RAB13: variants seen among roughly 807,000 people sequenced by gnomAD.
RAB13 encodes the protein RAB13, member RAS oncogene family, also known as ras-related protein Rab-13.
RAB13 carries 15 observed loss-of-function variants against 29.3 expected under a neutral mutation model. The observed-to-expected ratio is 0.51, with a 90% CI of 0.34 to 0.79. RAB13 has a LOEUF of 0.79. Ranked by LOEUF, RAB13 falls within the 30% of genes least tolerant of loss-of-function variation. The pLI is 0.01. For missense variants in RAB13, 186 were observed against 255.5 expected (o/e 0.73, Z 1.85); for synonymous variants, 82 against 93.8 (o/e 0.87, Z 0.73).
chr1:153,987,968 TTTTA>T (rs1367346729), upstream of RAB13, among the ~76,000 whole-genome samples: 1 of 151,500 alleles, frequency 6.6e-6, no homozygotes, highest in Non-Finnish European at 1.5e-5. Flanking sequence ...CAAAAAAATT[TTTTA>T]TTTATTTTTT....
At chr1:153,989,761 G>T (rs1571133366), upstream of RAB13, among the ~76,000 whole-genome samples, 1 of 151,532 alleles carries the variant, frequency 6.6e-6, no homozygotes, top group South Asian at 2.1e-4. Context: ...GCATGGTGCC[G>T]CATGCCTGTA....
upstream of RAB13, chr1:153,986,435 A>G: frequency 5.6e-6 from 3 of 534,644 alleles, no homozygotes; most frequent in Non-Finnish European, 6.5e-6. Flanking sequence ...TGAGCAGGCC[A>G]AGGCTGCCAG....
In RAB13 at chr1:153,983,306, G is replaced by T; in HGVS notation, c.247-10C>A. 1 of 1,611,854 alleles carries T rather than the reference G, an allele frequency of 6.2e-7. No homozygotes were observed. Among genetic ancestry groups the T allele is most frequent in the South Asian group, 1.1e-5 (1 of 91,010 alleles). On this transcript the variant is annotated splice_polypyrimidine_tract_variant and intron_variant, in intron 3 of 7. Transcript: ENST00000368575. ...ATACTAGGATAATGCCCTGGGAGAT[G>T]ACAAAATTCACCTTGGACCATGTTC...
Position 153,986,116 on chromosome 1 carries a change from T to C in RAB13, c.121A>G (p.Ile41Val). 6 of 1,613,122 alleles carry C rather than the reference T, an allele frequency of 3.7e-6. No individual in the cohort carries two copies. Among genetic ancestry groups the C allele is most frequent in the Non-Finnish European group, 4.2e-6 (5 of 1,179,798 alleles). Residue 41 changes from isoleucine to valine, a missense_variant, in exon 1 of 8, where the codon ATC becomes GTC. Physicochemically the swap from Ile to Val is conservative, Grantham distance 29 (BLOSUM62 3). Coordinates refer to ENST00000368575, the MANE Select transcript of RAB13 (RefSeq NM_002870.5). ...GGGACATGGCCAGCGGGCTCACCGATGGTGGAGATGTAAGTGTTGTTGAAG... is the reference window on the plus strand; with the variant it reads ...GGGACATGGCCAGCGGGCTCACCGACGGTGGAGATGTAAGTGTTGTTGAAG... ...DNFNNTYIST[I>V]GIDFKIRTVD...
chr1:153,987,302 C>A (rs187588764), upstream of RAB13, among the ~76,000 whole-genome samples: 214 of 151,024 alleles, frequency 1.4e-3, no homozygotes, highest in African/African-American at 5.1e-3. Flanking sequence ...GTCAGGAGAT[C>A]GAGACCATCC....
rs778582488 is a variant in RAB13, at chr1:153,982,716, C to T, written c.414+3G>A. 1 of 1,614,226 alleles carries T rather than the reference C, an allele frequency of 6.2e-7. No individual in the cohort carries two copies. Among genetic ancestry groups the T allele is most frequent in the Admixed American group, 1.7e-5 (1 of 60,034 alleles). On this transcript the variant is annotated splice_donor_region_variant and intron_variant, in intron 5 of 7. Coordinates refer to ENST00000368575, the MANE Select transcript of RAB13 (RefSeq NM_002870.5). ...CTAGAACATTGCTCAGCCTGGCCCT[C>T]ACCTTATCGGCCTGCTCCTTCTGCA...
intron 2 of RAB13, among the ~76,000 whole-genome samples, chr1:153,984,118 A>C (rs1217322221): frequency 3.3e-5 from 5 of 150,944 alleles, no homozygotes; most frequent in African/African-American, 7.3e-5. Flanking sequence ...CGGAGGTTAA[A>C]GTGAGCCTAG....
In RAB13 at chr1:153,986,180, C is replaced by T. The variant is rs1052206921; in HGVS notation, c.57G>A (p.Val19=). 6.2e-7 allele frequency: 1 copy of T among 1,613,696 alleles called. No individual in the cohort carries two copies. ...AGCGAATGATCAGACAAGTCTTGCCCACCCCCGAGTCCCCGATCAGCAGCA... is the reference window on the plus strand; with the variant it reads ...AGCGAATGATCAGACAAGTCTTGCCTACCCCCGAGTCCCCGATCAGCAGCA... ...FKLLLIGDSG[V]GKTCLIIRFA... is the part of the protein sequence containing the mutation. The change falls in exon 1 of 8, where the codon GTG becomes GTA. Residue 19 remains valine (V), a synonymous_variant. Coordinates refer to ENST00000368575, the MANE Select transcript of RAB13 (RefSeq NM_002870.5).
rs778778077 is a variant in RAB13, at chr1:153,982,175, C to T, written c.536G>A (p.Gly179Glu). The change falls in exon 8 of 8, where the codon GGA (glycine) becomes GAA (glutamate). Residue 179 changes from glycine (G) to glutamate (E), a missense_variant and splice_region_variant. Physicochemically the swap from Gly to Glu is moderately conservative, Grantham distance 98. Coordinates refer to ENST00000368575, the MANE Select transcript of RAB13 (RefSeq NM_002870.5). ...AGTACTGGGAGGCTTGTTGCCGTTT[C>T]CCTAGAGGGAGAAGGGCACAGGTGT... ...ILLKSGGRRS[G>E]NGNKPPSTDL... 7 of 1,613,532 alleles carry T rather than the reference C, an allele frequency of 4.3e-6. No homozygotes were observed. In the Admixed American group the frequency reaches 1.0e-4, roughly 23 times the overall value.
upstream of RAB13, among the ~76,000 whole-genome samples, chr1:153,988,224 C>A (rs989658416): frequency 6.6e-5 from 10 of 151,368 alleles, no homozygotes; most frequent in Non-Finnish European, 1.5e-4. Flanking sequence ...GATCTCTTGA[C>A]CTTCTGATCC....
rs752908416 is a variant in RAB13 at position 153,982,404 on chromosome 1, C to T, written c.521G>A (p.Gly174Glu). 6.2e-7 allele frequency: 1 copy of T among 1,613,754 alleles called. No homozygotes were observed. The highest frequency in any genetic ancestry group is 2.2e-5 in the East Asian group (1 of 44,878). ...SLARDILLKSGGRRSGNGNKP... is the reference protein window; with the variant it reads ...SLARDILLKSEGRRSGNGNKP... Reference sequence around the variant, plus strand: ...AAACCAACTTACTGATCTCCGGCCTCCTGACTTGAGCAAGATGTCCCGGGC... The same window carrying T: ...AAACCAACTTACTGATCTCCGGCCTTCTGACTTGAGCAAGATGTCCCGGGC... Residue 174 changes from glycine (G) to glutamate (E), a missense_variant, in exon 7 of 8, where the codon GGA becomes GAA. Gly to Glu is a moderately conservative substitution (Grantham distance 98). Transcript: ENST00000368575.
upstream of RAB13, among the ~76,000 whole-genome samples, chr1:153,989,551 G>GA (rs779280151): frequency 1.6e-4 from 24 of 151,572 alleles, no homozygotes; most frequent in Admixed American, 9.8e-4. Context: ...GCCCGGGCAA[G>GA]AAAAAATTAT....
At chr1:153,986,091 G>A (rs1649158733) in intron 1 of RAB13, 22 bp downstream of exon 1, 1 of 1,612,658 alleles carries the variant, frequency 6.2e-7, no homozygotes, top group Admixed American at 1.7e-5. Flanking sequence ...GTCGGGGTCT[G>A]GGACATGGCC....
intron 2 of RAB13, among the ~76,000 whole-genome samples, chr1:153,984,085 G>A (rs976511526): frequency 7.3e-5 from 11 of 150,912 alleles, no homozygotes; most frequent in Non-Finnish European, 1.5e-4. Flanking sequence ...GCTGAGGTCG[G>A]AGAATCACTT....
chr1:153,988,323 T>C (rs1450187393), upstream of RAB13, among the ~76,000 whole-genome samples: 1 of 140,492 alleles, frequency 7.1e-6, no homozygotes. Context: ...GACGGAGTCT[T>C]GCTCTGTCGA....
chr1:153,982,243 TTAAAG>T (rs1284842648), intron 7 of RAB13, 67 bp from the exon 8 acceptor site: 62 of 1,541,116 alleles, frequency 4.0e-5, no homozygotes, highest in Middle Eastern at 3.4e-4. Context: ...TATAAACTGT[TTAAAG>T]TAAATCCACC....
chr1:153,982,999 C>T lies in RAB13; in HGVS notation c.325-191G>A, dbSNP rs1048536473. 18 of 711,346 alleles carry T rather than the reference C, an allele frequency of 2.5e-5. No individual in the cohort carries two copies. In the Admixed American group the frequency reaches 4.3e-4, roughly 17 times the overall value. The allele number at this position is 711,346 out of a possible 1,614,324, so 44.1% of individuals were successfully genotyped here. A position where few individuals can be genotyped will look rare whatever the true frequency, so the allele number is the denominator to read the frequency against. On this transcript the variant is annotated intron_variant, in intron 4 of 7. Transcript: ENST00000368575. Reference sequence around the variant, plus strand: ...AATTAGCCGAGCATGGTGGTGCATGCCTGTAATCCCAGCTACTTGGGAGGC... The same window carrying T: ...AATTAGCCGAGCATGGTGGTGCATGTCTGTAATCCCAGCTACTTGGGAGGC...
upstream of RAB13, among the ~76,000 whole-genome samples, chr1:153,986,707 G>GA (rs111554216): frequency 1.1e-3 from 157 of 147,726 alleles, no homozygotes; most frequent in South Asian, 3.8e-3. Context: ...ACTAGAAATT[G>GA]AAAAAAAAAA....
Position 153,984,748 on chromosome 1 carries a change from T to C in RAB13, c.158A>G (p.Glu53Gly). 1.2e-6 allele frequency: 2 copies of C among 1,613,654 alleles called. No homozygotes were observed. The highest frequency in any genetic ancestry group is 1.7e-6 in the Non-Finnish European group (2 of 1,179,784). Residue 53 changes from glutamate to glycine, a missense_variant, in exon 2 of 8, where the codon GAG (glutamate) becomes GGG (glycine). Coordinates refer to ENST00000368575, the MANE Select transcript of RAB13 (RefSeq NM_002870.5). The part of the protein sequence containing the change: ...IDFKIRTVDI[E>G]GKKIKLQVWD... ...GACTTGTAGTTTGATCTTCTTCCCC[T>C]CTATATCCACAGTGCGGATCTTGAA...
Sources: gnomAD v4.1 joint callset for allele counts (sites outside exome capture counted in the v4.1 genomes callset) on GRCh38, gnomAD v4.1.1 for gene constraint, MANE v1.5 for transcripts, NCBI Gene and HGNC (gene_info 2026-07-23, HGNC 2026-07-21) for gene names.